Variants in SAMMSON observed in about 807,000 individuals in gnomAD.
SAMMSON encodes survival associated mitochondrial melanoma specific oncogenic non-coding RNA.
At chr3:70,330,017 T>C (rs1202730494) in intron 7 of SAMMSON, among the ~76,000 whole-genome samples, 1 of 151,840 alleles carries the variant, frequency 6.6e-6, no homozygotes, top group Non-Finnish European at 1.5e-5. Flanking sequence ...AGAAACATAA[T>C]CTAAGTATAA....
chr3:70,151,564 A>C (rs2067571966), intron 4 of SAMMSON, among the ~76,000 whole-genome samples: 1 of 152,056 alleles, frequency 6.6e-6, no homozygotes, highest in Non-Finnish European at 1.5e-5. Context: ...AACAGAACCA[A>C]TAGTCTTTGC....
chr3:70,119,124 T>A (rs534749394), intron 4 of SAMMSON, among the ~76,000 whole-genome samples: 5 of 152,202 alleles, frequency 3.3e-5, no homozygotes, highest in Non-Finnish European at 5.9e-5. Flanking sequence ...TGGAGTGCCA[T>A]GGCGTGATGT....
intron 8 of SAMMSON, among the ~76,000 whole-genome samples, chr3:70,356,881 T>C (rs959833195): frequency 1.3e-5 from 2 of 152,134 alleles, no homozygotes; most frequent in African/African-American, 4.8e-5. Flanking sequence ...TTTTGAGCAC[T>C]GACTTTATCC....
chr3:70,203,351 A>T, intron 4 of SAMMSON, among the ~76,000 whole-genome samples: 1 of 152,170 alleles, frequency 6.6e-6, no homozygotes, highest in East Asian at 1.9e-4. Context: ...TGAGTTCTTT[A>T]AAAAATGTCT....
chr3:70,212,786 C>A (rs1042129257), intron 4 of SAMMSON, among the ~76,000 whole-genome samples: 2 of 150,040 alleles, frequency 1.3e-5, no homozygotes, highest in African/African-American at 5.0e-5. Context: ...AATATTTTCC[C>A]ATTTTCTCTC....
chr3:70,078,658 C>T (rs2067257287), intron 4 of SAMMSON, among the ~76,000 whole-genome samples: 1 of 152,130 alleles, frequency 6.6e-6, no homozygotes, highest in Admixed American at 6.5e-5. Flanking sequence ...AAGTCCTTTA[C>T]TTTTAAGCAA....
At position 70,290,602 on chromosome 3, in the gene SAMMSON, C is replaced by T. The variant is rs575090871; in HGVS notation, n.675-577C>T. ...GTGGGCTCCACCCAGTTCGAGTTTC[C>T]GGGCTGTTTTGATTACCTCAGCAAG... On this transcript the variant is annotated intron_variant and non_coding_transcript_variant, in intron 6 of 9. Transcript: ENST00000642114. Among the ~76,000 whole-genome samples, 205 of 152,320 alleles carry T rather than the reference C, an allele frequency of 1.3e-3. 1 individual carries two copies. The highest frequency in any genetic ancestry group is 1.2e-3 in the African/African-American group (51 of 41,582).
chr3:70,387,962 G>A lies in SAMMSON; in HGVS notation n.914-1612G>A, dbSNP rs1326734591. Among the ~76,000 whole-genome samples, 4 of 121,998 alleles carry A rather than the reference G, an allele frequency of 3.3e-5. No homozygotes were observed. In the Admixed American group the frequency reaches 3.9e-4, roughly 12 times the overall value. 80.0% of individuals were successfully genotyped at this position (121,998 alleles called of 152,430 possible). On this transcript the variant is annotated intron_variant and non_coding_transcript_variant, in intron 9 of 9. Transcript: ENST00000642114. ...TCCTGGCTTAACCATTGCTACTTTT[G>A]AGCCTATTTTTTTTGGTTTGTTTTG...
intron 6 of SAMMSON, among the ~76,000 whole-genome samples, chr3:70,263,787 C>T (rs1452143342): frequency 6.6e-6 from 1 of 152,124 alleles, no homozygotes; most frequent in Non-Finnish European, 1.5e-5. Context: ...CTGTCTGGCT[C>T]CATCTGGGTT....
chr3:70,314,547 C>T (rs1279678556), intron 7 of SAMMSON, among the ~76,000 whole-genome samples: 1 of 151,982 alleles, frequency 6.6e-6, no homozygotes, highest in Non-Finnish European at 1.5e-5. Flanking sequence ...AAGCAATGAG[C>T]AGAGACAACA....
chr3:70,132,276 C>G (rs925232548), intron 4 of SAMMSON, among the ~76,000 whole-genome samples: 5 of 152,176 alleles, frequency 3.3e-5, no homozygotes, highest in Non-Finnish European at 7.3e-5. Context: ...TGGGATGGTT[C>G]TGGACAGTCT....
At chr3:70,201,884 T>G (rs1701243461) in intron 4 of SAMMSON, among the ~76,000 whole-genome samples, 1 of 152,188 alleles carries the variant, frequency 6.6e-6, no homozygotes, top group Non-Finnish European at 1.5e-5. Flanking sequence ...TAGAAGGCAG[T>G]AACTGGAACC....
intron 3 of SAMMSON, among the ~76,000 whole-genome samples, chr3:70,042,628 T>C (rs1410502365): frequency 6.6e-6 from 1 of 152,126 alleles, no homozygotes; most frequent in African/African-American, 2.4e-5. Flanking sequence ...CCAGAAAGAA[T>C]AGGTGAAGAG....
At chr3:70,418,122 T>C (rs1024145650) in intron 2 of SAMMSON, among the ~76,000 whole-genome samples, 1 of 152,240 alleles carries the variant, frequency 6.6e-6, no homozygotes, top group Admixed American at 6.5e-5. Context: ...TTGATCATGC[T>C]GACTAGTGTT....
chr3:70,090,966 G>T (rs1276734620), intron 4 of SAMMSON, among the ~76,000 whole-genome samples: 1 of 152,106 alleles, frequency 6.6e-6, no homozygotes, highest in East Asian at 1.9e-4. Context: ...CAGGATCAAT[G>T]TATATGTTAA....
chr3:70,195,409 G>T (rs1701166412), intron 4 of SAMMSON, among the ~76,000 whole-genome samples: 1 of 152,194 alleles, frequency 6.6e-6, no homozygotes, highest in South Asian at 2.1e-4. Context: ...CCAGGAGCAA[G>T]TTGAGAGTGG....
intron 9 of SAMMSON, among the ~76,000 whole-genome samples, chr3:70,383,977 A>T (rs539363318): frequency 6.6e-6 from 1 of 151,906 alleles, no homozygotes; most frequent in South Asian, 2.1e-4. Flanking sequence ...GGCATTTTGA[A>T]TTTTTTTTAC....
intron 4 of SAMMSON, among the ~76,000 whole-genome samples, chr3:70,153,826 A>G (rs73108083): frequency 0.032 from 4,910 of 152,008 alleles, 105 homozygotes; most frequent in Middle Eastern, 0.061. Flanking sequence ...CTCAAACTGA[A>G]ACGCTGTACC....
At chr3:70,228,422 G>C (rs548526756) in intron 4 of SAMMSON, among the ~76,000 whole-genome samples, 1 of 151,364 alleles carries the variant, frequency 6.6e-6, no homozygotes, top group African/African-American at 2.4e-5. Context: ...ACGTTAGGCT[G>C]CCAAAAAAAA....
Sources: gnomAD v4.1 joint callset for allele counts (sites outside exome capture counted in the v4.1 genomes callset) on GRCh38, gnomAD v4.1.1 for gene constraint, MANE v1.5 for transcripts, NCBI Gene and HGNC (gene_info 2026-07-23, HGNC 2026-07-21) for gene names.